PALS2: variants seen among roughly 807,000 people sequenced by gnomAD.
The protein encoded by PALS2 is protein PALS2.
A neutral mutation model predicts 61.6 loss-of-function variants in PALS2; 27 were observed. The ratio of observed to expected loss-of-function variants is 0.44; its 90% CI spans 0.32 to 0.60. The LOEUF is 0.60. Ranked by LOEUF, PALS2 falls within the 20% of genes least tolerant of loss-of-function variation. The pLI, the probability that PALS2 is intolerant of heterozygous loss-of-function variation, is 0.05. For missense variants in PALS2, 554 were observed against 639.4 expected, an observed-to-expected ratio of 0.87 and a Z score of 1.44; for synonymous variants, 236 against 218.6, an observed-to-expected ratio of 1.08 and a Z score of -0.70.
intron 1 of PALS2, among the ~76,000 whole-genome samples, chr7:24,579,187 TCA>T: frequency 6.6e-6 from 1 of 152,200 alleles, no homozygotes; most frequent in Non-Finnish European, 1.5e-5. Context: ...GTATTCAACC[TCA>T]CACATAATAC....
At chr7:24,680,680 CCCCGT>C (rs767333185) in intron 11 of PALS2, among the ~76,000 whole-genome samples, 160 bp downstream of exon 11, 27 of 152,242 alleles carry the variant, frequency 1.8e-4, no homozygotes, top group Non-Finnish European at 3.7e-4. Context: ...GTTGCAACCT[CCCCGT>C]CCCGGGTTCA....
At chr7:24,605,645 A>G (rs2128049498) in intron 1 of PALS2, among the ~76,000 whole-genome samples, 1 of 152,306 alleles carries the variant, frequency 6.6e-6, no homozygotes, top group Middle Eastern at 3.4e-3. Flanking sequence ...CTATAAACAC[A>G]TAAAAACAAA....
At position 24,641,827 on chromosome 7, in the gene PALS2, G is replaced by A; in HGVS notation, c.229G>A (p.Val77Met). The A allele has an allele frequency of 6.2e-7, 1 of 1,613,248 alleles. No homozygotes were observed. The highest frequency in any genetic ancestry group is 1.1e-5 in the South Asian group (1 of 90,812). The change falls in exon 3 of 12, where the codon GTG becomes ATG. Residue 77 changes from valine (V) to methionine (M), a missense_variant. Physicochemically the swap from Val to Met is conservative, Grantham distance 21 (BLOSUM62 1). Coordinates refer to ENST00000222644, the MANE Select transcript of PALS2 (RefSeq NM_001303037.2). Reference sequence around the variant, plus strand: ...TCCTCTAATAAATGTGGATGAAAATGTGGCAGAATTGGTTGGTATACTCAA... The same window carrying A: ...TCCTCTAATAAATGTGGATGAAAATATGGCAGAATTGGTTGGTATACTCAA... ...ITPLINVDENVAELVGILKEP... is the reference protein window; with the variant it reads ...ITPLINVDENMAELVGILKEP...
rs1203784468 is a variant in PALS2 at position 24,688,326 on chromosome 7, G to C, written c.*712G>C. 2 of 152,198 alleles carry C rather than the reference G, an allele frequency of 1.3e-5. No homozygotes were observed. Among genetic ancestry groups the C allele is most frequent in the East Asian group, 3.8e-4 (2 of 5,200 alleles). The allele number at this position is 152,198 out of a possible 1,614,324, so 9.4% of individuals were successfully genotyped here. Reference sequence around the variant, plus strand: ...TTCTTTTTATTTGTTGCAGTGATATGATGCTAACTAATTTAACATGTACAC... The same window carrying C: ...TTCTTTTTATTTGTTGCAGTGATATCATGCTAACTAATTTAACATGTACAC... On this transcript the variant is annotated 3_prime_UTR_variant, in exon 12 of 12. Coordinates refer to ENST00000222644, the MANE Select transcript of PALS2 (RefSeq NM_001303037.2).
chr7:24,665,580 G>C lies in PALS2; in HGVS notation c.784-8G>C. 6.2e-7 allele frequency: 1 copy of C among 1,612,790 alleles called. No individual in the cohort carries two copies. Among genetic ancestry groups the C allele is most frequent in the Non-Finnish European group, 8.5e-7 (1 of 1,179,022 alleles). On this transcript the variant is annotated splice_polypyrimidine_tract_variant and splice_region_variant and intron_variant, in intron 6 of 11. Coordinates refer to ENST00000222644, the MANE Select transcript of PALS2 (RefSeq NM_001303037.2). ...ACTGAGATGTACAATTCATTAATTTGATTCTAGGCTAGCCATGTAAAAGAG... is the reference window on the plus strand; with the variant it reads ...ACTGAGATGTACAATTCATTAATTTCATTCTAGGCTAGCCATGTAAAAGAG...
chr7:24,610,347 C>G (rs1784070441), intron 1 of PALS2, among the ~76,000 whole-genome samples: 2 of 152,024 alleles, frequency 1.3e-5, no homozygotes, highest in Admixed American at 1.3e-4. Context: ...ATCTTATCAC[C>G]AGTTTCATAC....
rs879365291 is a variant in PALS2, at chr7:24,656,530, C to CT, written c.651+5827dup. The stretch of plus-strand genomic sequence containing the variant: ...AATTTATTTGTGTCCATTTCTTTCT[C>CT]TTTTTTTTTGAGACAGGGCCTCACT... On this transcript the variant is annotated intron_variant, in intron 5 of 11. Coordinates refer to ENST00000222644, the MANE Select transcript of PALS2 (RefSeq NM_001303037.2). Among the ~76,000 whole-genome samples, 48 of 150,976 alleles carry CT rather than the reference C, an allele frequency of 3.2e-4. No homozygotes were observed. In the Middle Eastern group the frequency reaches 0.01, roughly 33 times the overall value.
At chr7:24,602,219 A>G (rs1438220613) in intron 1 of PALS2, among the ~76,000 whole-genome samples, 2 of 151,888 alleles carry the variant, frequency 1.3e-5, no homozygotes, top group Non-Finnish European at 2.9e-5. Context: ...CTCTGTAACT[A>G]TCTTATTCTA....
chr7:24,643,002 C>G (rs1356567575), intron 3 of PALS2, among the ~76,000 whole-genome samples: 5 of 151,812 alleles, frequency 3.3e-5, no homozygotes, highest in Admixed American at 3.3e-4. Flanking sequence ...GATGGCAGTA[C>G]GTATAGATAG....
chr7:24,687,190 T>G lies in PALS2; in HGVS notation c.1447-248T>G, dbSNP rs976765707. 6.6e-5 allele frequency among the ~76,000 whole-genome samples: 10 copies of G among 152,184 alleles called. No individual in the cohort carries two copies. Among genetic ancestry groups the G allele is most frequent in the Admixed American group, 2.0e-4 (3 of 15,284 alleles). On this transcript the variant is annotated intron_variant, in intron 11 of 11. Coordinates refer to ENST00000222644, the MANE Select transcript of PALS2 (RefSeq NM_001303037.2). The surrounding 1 kb of genome is among the most constrained non-coding windows in gnomAD (Gnocchi z 4.5). ...TTCAGCAGTCTTTTAATTAGGAATTTTATCCTAATATAAGTGAGGCAAAAG... is the reference window on the plus strand; with the variant it reads ...TTCAGCAGTCTTTTAATTAGGAATTGTATCCTAATATAAGTGAGGCAAAAG...
At chr7:24,643,535 C>T (rs1400427312) in intron 3 of PALS2, among the ~76,000 whole-genome samples, 1 of 152,074 alleles carries the variant, frequency 6.6e-6, no homozygotes, top group Admixed American at 6.6e-5. Context: ...TTTCAGTGAA[C>T]TTCCATCTCA....
chr7:24,607,250 CAT>C (rs1184854860), intron 1 of PALS2, among the ~76,000 whole-genome samples: 3 of 152,244 alleles, frequency 2.0e-5, no homozygotes, highest in Non-Finnish European at 2.9e-5. Context: ...TTTTGCCACA[CAT>C]GTCCTCAGCA....
In PALS2 at chr7:24,666,637, T is replaced by C. The variant is rs192885047; in HGVS notation, c.952+548T>C. On this transcript the variant is annotated intron_variant, in intron 8 of 11. Transcript: ENST00000222644. ...TATATGAGGTGATGGATATGTTTAA[T>C]AGCTTGATCGAGGTAATCATTCACA... Among the ~76,000 whole-genome samples, 386 of 152,306 alleles carry C rather than the reference T, an allele frequency of 2.5e-3. 1 individual carries two copies. The highest frequency in any genetic ancestry group is 0.01 in the Middle Eastern group (3 of 294).
In PALS2 at chr7:24,605,496, CATT is replaced by C. The variant is rs911861485; in HGVS notation, c.-2-18167_-2-18165del. On this transcript the variant is annotated intron_variant, in intron 1 of 11. Coordinates refer to ENST00000222644, the MANE Select transcript of PALS2 (RefSeq NM_001303037.2). ...TATTACTTATATAAATACAGTAACACATTATGTTTTAGATATTTATATAAGTAT... is the reference window on the plus strand; with the variant it reads ...TATTACTTATATAAATACAGTAACACATGTTTTAGATATTTATATAAGTAT... 1.8e-3 allele frequency among the ~76,000 whole-genome samples: 272 copies of C among 152,094 alleles called. 2 individuals carry two copies. Among genetic ancestry groups the C allele is most frequent in the African/African-American group, 6.1e-3 (254 of 41,478 alleles).
intron 1 of PALS2, among the ~76,000 whole-genome samples, chr7:24,616,174 C>T (rs1030663488): frequency 2.0e-5 from 3 of 152,028 alleles, no homozygotes; most frequent in African/African-American, 7.2e-5. Context: ...TCTTATTCAG[C>T]ACAGTACTGG....
intron 1 of PALS2, among the ~76,000 whole-genome samples, chr7:24,601,622 T>TTTTTTG (rs1783722898): frequency 6.6e-6 from 1 of 152,142 alleles, no homozygotes; most frequent in South Asian, 2.1e-4. Flanking sequence ...GCATGTCTTT[T>TTTTTTG]TTTTTGTTTT....
At chr7:24,655,851 A>G (rs1307491292) in intron 5 of PALS2, among the ~76,000 whole-genome samples, 1 of 151,958 alleles carries the variant, frequency 6.6e-6, no homozygotes, top group Non-Finnish European at 1.5e-5. Flanking sequence ...TTTAAAATAA[A>G]ATTTTTTATT....
chr7:24,580,477 C>T (rs1234833482), intron 1 of PALS2, among the ~76,000 whole-genome samples: 2 of 152,198 alleles, frequency 1.3e-5, no homozygotes, highest in African/African-American at 4.8e-5. Flanking sequence ...TGGTCTCTCA[C>T]CAGGTCAATA....
chr7:24,630,355 G>A (rs1282735157), intron 2 of PALS2, among the ~76,000 whole-genome samples: 4 of 152,016 alleles, frequency 2.6e-5, no homozygotes, highest in Admixed American at 2.0e-4. Context: ...AGGGGAGGGG[G>A]GATAGCATTA....
Sources: gnomAD v4.1 joint callset for allele counts (sites outside exome capture counted in the v4.1 genomes callset) on GRCh38, gnomAD v4.1.1 for gene constraint, Gnocchi (gnomAD v3.1) non-coding constraint, MANE v1.5 for transcripts, NCBI Gene and HGNC (gene_info 2026-07-23, HGNC 2026-07-21) for gene names.